ANXA4: variants seen among roughly 807,000 people sequenced by gnomAD.
The protein encoded by ANXA4 is 35-beta calcimedin.
ANXA4 carries 39 observed loss-of-function variants against 49.8 expected under a neutral mutation model. The ratio of observed to expected loss-of-function variants is 0.78; its 90% CI spans 0.61 to 1.02. The LOEUF (loss-of-function observed/expected upper bound fraction) is 1.02, where lower values mean the gene tolerates loss of function less well. Among genes scored for constraint, ANXA4 ranks in the 50% least tolerant of loss-of-function variants. ANXA4 has a pLI of 0.00. For missense variants in ANXA4, 360 were observed against 410.1 expected (o/e 0.88, Z 1.05); for synonymous variants, 134 against 152.5 (o/e 0.88, Z 0.89).
intron 1 of ANXA4, among the ~76,000 whole-genome samples, chr2:69,778,454 G>C (rs772019967): frequency 6.6e-6 from 1 of 152,132 alleles, no homozygotes; most frequent in Non-Finnish European, 1.5e-5. Flanking sequence ...GTCAGAAAAG[G>C]CCTGGTTGAT....
chr2:69,795,504 G>C (rs957971680), intron 3 of ANXA4, among the ~76,000 whole-genome samples: 1 of 152,156 alleles, frequency 6.6e-6, no homozygotes, highest in African/African-American at 2.4e-5. Flanking sequence ...CCTAGTATCG[G>C]GGTGTTGCAA....
At chr2:69,658,223 C>T (rs534499778) in intron 2 of ANXA4, among the ~76,000 whole-genome samples, 1 of 151,528 alleles carries the variant, frequency 6.6e-6, no homozygotes, top group South Asian at 2.1e-4. Context: ...CATGGCAAAA[C>T]CCTGTCTCTA....
chr2:69,811,911 G>T (rs1367315123), intron 7 of ANXA4, among the ~76,000 whole-genome samples: 1 of 151,994 alleles, frequency 6.6e-6, no homozygotes, highest in Admixed American at 6.6e-5. Flanking sequence ...CCTAGACCAT[G>T]GAACATCGAG....
intron 2 of ANXA4, among the ~76,000 whole-genome samples, chr2:69,712,732 T>C (rs1559101704): frequency 6.6e-6 from 1 of 152,162 alleles, no homozygotes; most frequent in Non-Finnish European, 1.5e-5. Flanking sequence ...GGACCAACAT[T>C]AGCAACAGGA....
intron 2 of ANXA4, among the ~76,000 whole-genome samples, chr2:69,658,118 C>T (rs532789523): frequency 2.6e-5 from 4 of 151,906 alleles, no homozygotes; most frequent in South Asian, 2.1e-4. Flanking sequence ...AAAAAATAGG[C>T]GGGGCACAGT....
chr2:69,740,154 A>T (rs1445030354), upstream of ANXA4, among the ~76,000 whole-genome samples: 1 of 152,196 alleles, frequency 6.6e-6, no homozygotes, highest in Non-Finnish European at 1.5e-5. Flanking sequence ...GTGCCAACGC[A>T]TCTACTTCAT....
intron 2 of ANXA4, among the ~76,000 whole-genome samples, chr2:69,670,055 C>T (rs1573080868): frequency 6.6e-6 from 1 of 152,206 alleles, no homozygotes; most frequent in East Asian, 1.9e-4. Context: ...GTGTCTTATA[C>T]ACTAGAGACA....
chr2:69,795,793 A>C lies in ANXA4; in HGVS notation c.97+7652A>C, dbSNP rs1394224512. On this transcript the variant is annotated intron_variant, in intron 3 of 12. Coordinates refer to ENST00000394295, the MANE Select transcript of ANXA4 (RefSeq NM_001153.5). ...CCCCCATGTGGGCTAAAATATCTCTACCTAGTAAAGGAGTGGGGGGACTTT... is the reference window on the plus strand; with the variant it reads ...CCCCCATGTGGGCTAAAATATCTCTCCCTAGTAAAGGAGTGGGGGGACTTT... 2.0e-5 allele frequency among the ~76,000 whole-genome samples: 3 copies of C among 152,330 alleles called. No homozygotes were observed. The South Asian group carries it at 6.2e-4, about 32-fold the overall frequency.
intron 2 of ANXA4, among the ~76,000 whole-genome samples, chr2:69,672,204 T>G (rs931819820): frequency 6.6e-6 from 1 of 152,050 alleles, no homozygotes; most frequent in Non-Finnish European, 1.5e-5. Context: ...GTGAAAAAAA[T>G]TATGTACTTT....
At chr2:69,744,469 A>G (rs1670532583) in intron 1 of ANXA4, among the ~76,000 whole-genome samples, 1 of 152,244 alleles carries the variant, frequency 6.6e-6, no homozygotes, top group Non-Finnish European at 1.5e-5. Flanking sequence ...ATCTAAAACA[A>G]GAAACCTCAA....
chr2:69,715,793 G>C (rs1233886330), intron 2 of ANXA4, among the ~76,000 whole-genome samples: 2 of 152,228 alleles, frequency 1.3e-5, no homozygotes. Context: ...GAGGTGGAGG[G>C]AGGGGTAAGA....
chr2:69,675,899 C>T (rs539718691), intron 2 of ANXA4, among the ~76,000 whole-genome samples: 1 of 151,344 alleles, frequency 6.6e-6, no homozygotes, highest in Non-Finnish European at 1.5e-5. Flanking sequence ...CTCAGATTCT[C>T]GGGAGGTTGA....
intron 3 of ANXA4, among the ~76,000 whole-genome samples, chr2:69,799,964 A>G (rs957357178): frequency 2.6e-5 from 4 of 152,186 alleles, no homozygotes; most frequent in Admixed American, 6.5e-5. Flanking sequence ...GATGCTTTCC[A>G]TGGGTTATCT....
intron 1 of ANXA4, among the ~76,000 whole-genome samples, chr2:69,766,764 G>C (rs1228486945): frequency 6.6e-6 from 1 of 152,174 alleles, no homozygotes; most frequent in Non-Finnish European, 1.5e-5. Context: ...TCAGCTGACA[G>C]AACCTAACAT....
At chr2:69,706,404 G>A (rs1198305221) in intron 2 of ANXA4, among the ~76,000 whole-genome samples, 1 of 141,886 alleles carries the variant, frequency 7.0e-6, no homozygotes, top group Non-Finnish European at 1.5e-5. Flanking sequence ...GGGTTCAAGC[G>A]ATTCTCCTGC....
intron 2 of ANXA4, among the ~76,000 whole-genome samples, chr2:69,714,874 T>C (rs1030546185): frequency 6.6e-6 from 1 of 152,200 alleles, no homozygotes; most frequent in Non-Finnish European, 1.5e-5. Flanking sequence ...TTGTGTCTTG[T>C]GGATACCTCA....
At chr2:69,666,299 A>G (rs148371790) in intron 2 of ANXA4, among the ~76,000 whole-genome samples, 1 of 152,238 alleles carries the variant, frequency 6.6e-6, no homozygotes, top group African/African-American at 2.4e-5. Context: ...ATACTACTTT[A>G]CAGCCATTGG....
intron 1 of ANXA4, among the ~76,000 whole-genome samples, chr2:69,649,088 G>C (rs988171423): frequency 6.6e-6 from 1 of 151,888 alleles, no homozygotes; most frequent in Non-Finnish European, 1.5e-5. Context: ...GTTTCTCCAT[G>C]TTGGTCAGGC....
intron 2 of ANXA4, among the ~76,000 whole-genome samples, chr2:69,673,592 A>G (rs1009312960): frequency 6.6e-6 from 1 of 151,858 alleles, no homozygotes; most frequent in Non-Finnish European, 1.5e-5. Context: ...CCACCATGGC[A>G]TGTGTATACC....
Sources: gnomAD v4.1 joint callset for allele counts (sites outside exome capture counted in the v4.1 genomes callset) on GRCh38, gnomAD v4.1.1 for gene constraint, MANE v1.5 for transcripts, NCBI Gene and HGNC (gene_info 2026-07-23, HGNC 2026-07-21) for gene names.